The following STK10 variants were observed in gnomAD, a reference collection of about 807,000 sequenced individuals.
STK10 encodes the protein serine/threonine kinase 10, also known as serine/threonine-protein kinase 10.
STK10 carries 78 observed loss-of-function variants against 113.8 expected under a neutral mutation model. The observed-to-expected ratio is 0.69, with a 90% CI of 0.57 to 0.83. The LOEUF is 0.83. Among genes scored for constraint, STK10 ranks in the 40% least tolerant of loss-of-function variants. The pLI is 0.00. For synonymous variants in STK10, 465 were observed against 494.7 expected (o/e 0.94, Z 0.80); for missense variants, 1,109 against 1,280.1 (o/e 0.87, Z 2.04).
At chr5:172,056,548 G>A (rs368713018) in intron 15 of STK10, among the ~76,000 whole-genome samples, 2 of 151,980 alleles carry the variant, frequency 1.3e-5, no homozygotes, top group Admixed American at 6.6e-5. Context: ...GACAAAAAGA[G>A]GGAAAAGAGA....
intron 18 of STK10, 32 bp downstream of exon 18, chr5:172,052,897 G>A (rs756365870): frequency 3.2e-5 from 51 of 1,608,488 alleles, no homozygotes; most frequent in East Asian, 6.7e-5. Context: ...AGCAGAGCCC[G>A]AGACTGAGCC....
Position 172,188,093 on chromosome 5 carries a change from T to G in STK10, c.-51A>C. ...CGGGCTCGGGCTCGGGCTCGGGCTGTGGCTTCGGCGGCCGCGAGGAGAAGG... is the reference window on the plus strand; with the variant it reads ...CGGGCTCGGGCTCGGGCTCGGGCTGGGGCTTCGGCGGCCGCGAGGAGAAGG... On this transcript the variant is annotated 5_prime_UTR_variant, in exon 1 of 19. Coordinates refer to ENST00000176763, the MANE Select transcript of STK10 (RefSeq NM_005990.4). This position sits in a 1 kb window ranked among gnomAD's most constrained non-coding sequence, Gnocchi z 5.6. 1.3e-6 allele frequency: 2 copies of G among 1,584,142 alleles called. No homozygotes were observed. The highest frequency in any genetic ancestry group is 2.3e-5 in the East Asian group (1 of 43,844).
chr5:172,098,906 CCAT>C (rs1489993908), intron 7 of STK10, among the ~76,000 whole-genome samples: 1 of 151,424 alleles, frequency 6.6e-6, no homozygotes, highest in Non-Finnish European at 1.5e-5. Context: ...ATCACCACCA[CCAT>C]CACCACCATC....
intron 2 of STK10, among the ~76,000 whole-genome samples, chr5:172,149,368 C>A (rs922189466): frequency 2.0e-5 from 3 of 152,234 alleles, no homozygotes; most frequent in Admixed American, 1.3e-4. Flanking sequence ...CCTCCTCCCC[C>A]ACTTTCCCTC....
intron 2 of STK10, among the ~76,000 whole-genome samples, chr5:172,154,617 G>T (rs777582520): frequency 1.3e-5 from 2 of 152,178 alleles, no homozygotes; most frequent in Non-Finnish European, 2.9e-5. Context: ...GAAAGAAATG[G>T]TCTTGGCCAC....
At chr5:172,063,807 T>C (rs547918670) in intron 13 of STK10, among the ~76,000 whole-genome samples, 23 of 152,310 alleles carry the variant, frequency 1.5e-4, no homozygotes, top group African/African-American at 5.3e-4. Flanking sequence ...CCTACCATAG[T>C]AAGCTATGAA....
chr5:172,151,824 T>G (rs1770240107), intron 2 of STK10, among the ~76,000 whole-genome samples: 1 of 152,242 alleles, frequency 6.6e-6, no homozygotes, highest in Admixed American at 6.5e-5. Context: ...CAGCAGCATG[T>G]GCTGCAGACA....
intron 16 of STK10, among the ~76,000 whole-genome samples, chr5:172,055,169 A>C (rs1302289279): frequency 1.2e-5 from 1 of 83,446 alleles, no homozygotes; most frequent in African/African-American, 6.4e-5. Flanking sequence ...CCCCCTCCCA[A>C]GACCTTATGG....
intron 9 of STK10, chr5:172,092,376 G>A (rs1046396558): frequency 6.6e-6 from 1 of 152,152 alleles, no homozygotes; most frequent in Non-Finnish European, 1.5e-5. Context: ...AAGAGCAGGG[G>A]AGCCCCTGCT....
Position 172,188,063 on chromosome 5 carries a change from CGGCTCG to C in STK10, c.-27_-22del, listed in dbSNP as rs552451973. 2.8e-3 allele frequency: 4,559 copies of C among 1,607,906 alleles called. 14 individuals carry two copies. The highest frequency in any genetic ancestry group is 3.2e-3 in the Non-Finnish European group (3,722 of 1,177,316). ...GCCATGGCCGGGGGCGCGGTGGCGCCGGCTCGGGCTCGGGCTCGGGCTCGGGCTGTG... is the reference window on the plus strand; with the variant it reads ...GCCATGGCCGGGGGCGCGGTGGCGCCGGCTCGGGCTCGGGCTCGGGCTGTG... On this transcript the variant is annotated 5_prime_UTR_variant, in exon 1 of 19. Transcript: ENST00000176763. This position sits in a 1 kb window ranked among gnomAD's most constrained non-coding sequence, Gnocchi z 5.6.
At chr5:172,136,229 T>C (rs995196553) in intron 2 of STK10, among the ~76,000 whole-genome samples, 1 of 152,172 alleles carries the variant, frequency 6.6e-6, no homozygotes, top group African/African-American at 2.4e-5. Context: ...AAACACAACC[T>C]GGCAAGCCTG....
intron 2 of STK10, among the ~76,000 whole-genome samples, chr5:172,153,397 A>G (rs1424928683): frequency 2.0e-5 from 3 of 152,228 alleles, no homozygotes; most frequent in Admixed American, 6.5e-5. Flanking sequence ...TTTTTCTCCA[A>G]CTTGCACCAT....
intron 9 of STK10, among the ~76,000 whole-genome samples, chr5:172,091,823 C>T (rs1313558963): frequency 6.6e-6 from 1 of 152,188 alleles, no homozygotes; most frequent in Non-Finnish European, 1.5e-5. Flanking sequence ...TGAGCCACGG[C>T]GCCCGGCCCA....
intron 2 of STK10, among the ~76,000 whole-genome samples, chr5:172,134,566 C>G (rs766849615): frequency 3.3e-5 from 5 of 151,912 alleles, no homozygotes; most frequent in Non-Finnish European, 7.4e-5. Flanking sequence ...AAAATAGATA[C>G]CCTGGACTTC....
intron 3 of STK10, among the ~76,000 whole-genome samples, chr5:172,118,895 A>AAAAAAAAAAAAAAAAAAC: frequency 6.7e-6 from 1 of 150,200 alleles, no homozygotes; most frequent in Non-Finnish European, 1.5e-5. Context: ...AAAAAAAAAA[A>AAAAAAAAAAAAAAAAAAC]AAGTGTCCAC....
intron 4 of STK10, among the ~76,000 whole-genome samples, chr5:172,116,361 C>T (rs1460579804): frequency 2.6e-5 from 4 of 151,752 alleles, no homozygotes; most frequent in Non-Finnish European, 4.4e-5. Context: ...GGATTACAGG[C>T]GTGAGCCACC....
intron 4 of STK10, among the ~76,000 whole-genome samples, chr5:172,112,388 G>A (rs990242021): frequency 6.6e-6 from 1 of 151,298 alleles, no homozygotes; most frequent in African/African-American, 2.4e-5. Flanking sequence ...TGGGATTTTG[G>A]TGGGGGCAGT....
At chr5:172,137,592 T>C (rs946372626) in intron 2 of STK10, among the ~76,000 whole-genome samples, 10 of 151,638 alleles carry the variant, frequency 6.6e-5, no homozygotes, top group Admixed American at 4.6e-4. Context: ...TAAAATGCCA[T>C]ATATTGGGCC....
intron 13 of STK10, 146 bp downstream of exon 13, chr5:172,064,574 G>A: frequency 5.3e-6 from 4 of 748,812 alleles, no homozygotes; most frequent in Non-Finnish European, 9.0e-6. Context: ...AGGGGATAAT[G>A]GGGCCATGAA....
Sources: allele counts gnomAD v4.1 joint callset (sites outside exome capture counted in the v4.1 genomes callset), GRCh38; gene constraint gnomAD v4.1.1; non-coding constraint Gnocchi (gnomAD v3.1); transcripts MANE v1.5; gene names NCBI Gene and HGNC (gene_info 2026-07-23, HGNC 2026-07-21).